The following MTCH2 variants were observed in gnomAD, a reference collection of about 807,000 sequenced individuals.
MTCH2 encodes the protein mitochondrial carrier 2.
In MTCH2, 25 loss-of-function variants were observed where a neutral mutation model predicts 50.6. The observed-to-expected ratio is 0.49, with a 90% CI of 0.36 to 0.69. The LOEUF (loss-of-function observed/expected upper bound fraction) is 0.69, where lower values mean the gene tolerates loss of function less well. Ranked by LOEUF, MTCH2 falls within the 30% of genes least tolerant of loss-of-function variation. MTCH2 has a pLI of 0.00. For missense variants in MTCH2, 273 were observed against 384.4 expected (o/e 0.71, Z 2.42); for synonymous variants, 106 against 132.0 (o/e 0.80, Z 1.35).
At chr11:47,622,243 C>A (rs1285837142) in intron 12 of MTCH2, among the ~76,000 whole-genome samples, 1 of 152,072 alleles carries the variant, frequency 6.6e-6, no homozygotes, top group African/African-American at 2.4e-5. Context: ...ATAGTAATAA[C>A]AAACCCTAAA....
At chr11:47,616,671 T>TC (rs1440237468), downstream of MTCH2, among the ~76,000 whole-genome samples, 1 of 151,020 alleles carries the variant, frequency 6.6e-6, no homozygotes, top group Non-Finnish European at 1.5e-5. Context: ...TGCATGTGTT[T>TC]CTTTTTTTTT....
chr11:47,630,442 G>A (rs2097301991), intron 8 of MTCH2, 113 bp downstream of exon 8: 3 of 945,692 alleles, frequency 3.2e-6, no homozygotes, highest in East Asian at 2.4e-5. Flanking sequence ...GTAACGTGAG[G>A]TAAGCCCAGG....
chr11:47,631,605 G>C (rs772310094), intron 6 of MTCH2, 49 bp downstream of exon 6: 1 of 1,584,430 alleles, frequency 6.3e-7, no homozygotes, highest in Non-Finnish European at 8.7e-7. Context: ...TAAGTGGTCA[G>C]GAGAGATCAG....
chr11:47,613,020 G>A (rs1254962688), downstream of MTCH2, among the ~76,000 whole-genome samples: 2 of 151,908 alleles, frequency 1.3e-5, no homozygotes, highest in African/African-American at 2.4e-5. Context: ...TCTGGCCCCA[G>A]CCTCCCAAGT....
chr11:47,617,251 G>C (rs1214235854), downstream of MTCH2: 2 of 152,156 alleles, frequency 1.3e-5, no homozygotes, highest in African/African-American at 2.4e-5. Flanking sequence ...ATCAGAGTCA[G>C]ACATGCTTCT....
At chr11:47,629,943 T>A (rs2097301515) in intron 8 of MTCH2, among the ~76,000 whole-genome samples, 1 of 152,090 alleles carries the variant, frequency 6.6e-6, no homozygotes, top group Non-Finnish European at 1.5e-5. Context: ...CATTTTATTA[T>A]CTATATAGAA....
Position 47,618,693 on chromosome 11 carries a change from G to A in MTCH2, c.*140C>T. On this transcript the variant is annotated 3_prime_UTR_variant, in exon 13 of 13. Transcript: ENST00000302503. ...TTGTGCTGGAAAAAAGAACAAAAAA[G>A]GCAGACACCAAACACCTGAATTTTC... 9 of 543,784 alleles carry A rather than the reference G, an allele frequency of 1.7e-5. No individual in the cohort carries two copies. Among genetic ancestry groups the A allele is most frequent in the Non-Finnish European group, 2.6e-5 (9 of 352,414 alleles). The allele number at this position is 543,784 out of a possible 1,614,324, so 33.7% of individuals were successfully genotyped here.
chr11:47,618,545 A>G lies in MTCH2; in HGVS notation c.*288T>C. On this transcript the variant is annotated 3_prime_UTR_variant, in exon 13 of 13. Coordinates refer to ENST00000302503, the MANE Select transcript of MTCH2 (RefSeq NM_014342.4). ...AATTGAGACTCAAAAATCACATGAC[A>G]AAGTGCCTGTAGCTTCAGGAAAATA... is the stretch of plus-strand genomic sequence containing the variant. 2.8e-6 allele frequency: 1 copy of G among 353,736 alleles called. No homozygotes were observed. The highest frequency in any genetic ancestry group is 5.2e-6 in the Non-Finnish European group (1 of 193,396). The allele number at this position is 353,736 out of a possible 1,614,324, so 21.9% of individuals were successfully genotyped here. A position where few individuals can be genotyped will look rare whatever the true frequency, so the allele number is the denominator to read the frequency against.
chr11:47,634,633 G>C (rs2097306773), intron 5 of MTCH2, 39 bp downstream of exon 5: 1 of 1,506,922 alleles, frequency 6.6e-7, no homozygotes, highest in Non-Finnish European at 9.2e-7. Context: ...ACCACAGTTT[G>C]ATCTGGGCAA....
chr11:47,631,795 G>C, intron 5 of MTCH2, 84 bp from the exon 6 acceptor site: 3 of 1,447,202 alleles, frequency 2.1e-6, no homozygotes, highest in Non-Finnish European at 2.9e-6. Flanking sequence ...GGATATCGTG[G>C]TATAGGATAA....
At chr11:47,613,313 A>G (rs1343579012), downstream of MTCH2, among the ~76,000 whole-genome samples, 1 of 152,168 alleles carries the variant, frequency 6.6e-6, no homozygotes, top group Non-Finnish European at 1.5e-5. Context: ...GAAAGCCTAA[A>G]CAGAGCTCTG....
At chr11:47,609,237 C>T in the MTCH2 span, among the ~76,000 whole-genome samples, 1 of 150,976 alleles carries the variant, frequency 6.6e-6, no homozygotes, top group Admixed American at 6.6e-5. Context: ...GGCGGATCAC[C>T]TGAGGTCAGG....
intron 1 of MTCH2, 84 bp downstream of exon 1, chr11:47,642,295 A>G: frequency 8.1e-7 from 1 of 1,230,820 alleles, no homozygotes; most frequent in Non-Finnish European, 1.1e-6. Flanking sequence ...AAAGGCCCGC[A>G]AGGCTGAGCC....
In MTCH2 at chr11:47,617,363, G is replaced by A. The variant is rs1358558382; in HGVS notation, c.*1470C>T. ...CTTAAAGATTTTTTGGGAGAAAAAG[G>A]TAGGCAGCAAACATTTTTATATTAA... On this transcript the variant is annotated 3_prime_UTR_variant, in exon 13 of 13. Transcript: ENST00000302503. 1 of 152,166 alleles carries A rather than the reference G, an allele frequency of 6.6e-6. No homozygotes were observed. Among genetic ancestry groups the A allele is most frequent in the Middle Eastern group, 3.2e-3 (1 of 316 alleles). 9.4% of individuals were successfully genotyped at this position (152,166 alleles called of 1,614,324 possible). A position where few individuals can be genotyped will look rare whatever the true frequency, so the allele number is the denominator to read the frequency against.
Position 47,633,725 on chromosome 11 carries a change from C to T in MTCH2, c.369+947G>A, listed in dbSNP as rs530950676. The stretch of plus-strand genomic sequence containing the variant: ...CTAATTTTTGTATTTTTAGTAGAGA[C>T]GGGGTTTCTCCATGTTGGTCAGGCT... On this transcript the variant is annotated intron_variant, in intron 5 of 12. Transcript: ENST00000302503. Among the ~76,000 whole-genome samples, 324 of 150,040 alleles carry T rather than the reference C, an allele frequency of 2.2e-3. 1 individual carries two copies. Among genetic ancestry groups the T allele is most frequent in the African/African-American group, 7.4e-3 (303 of 40,816 alleles).
chr11:47,628,065 C>T (rs536987899), intron 9 of MTCH2, among the ~76,000 whole-genome samples: 1 of 152,174 alleles, frequency 6.6e-6, no homozygotes, highest in Non-Finnish European at 1.5e-5. Context: ...CTACCAGATG[C>T]GTTGAAGAAA....
intron 4 of MTCH2, among the ~76,000 whole-genome samples, 153 bp downstream of exon 4, chr11:47,635,392 C>T (rs142700803): frequency 6.6e-6 from 1 of 152,150 alleles, no homozygotes; most frequent in Non-Finnish European, 1.5e-5. Flanking sequence ...TGGTTTCAAA[C>T]AGAACTGTCC....
chr11:47,609,312 CG>C, the MTCH2 span, among the ~76,000 whole-genome samples: 1 of 150,692 alleles, frequency 6.6e-6, no homozygotes, highest in Non-Finnish European at 1.5e-5. Context: ...AAAAATTAGC[CG>C]GATGTGGTGG....
the MTCH2 span, among the ~76,000 whole-genome samples, chr11:47,606,496 A>G: frequency 6.6e-6 from 1 of 152,196 alleles, no homozygotes; most frequent in Non-Finnish European, 1.5e-5. Flanking sequence ...AGCTCTCTAC[A>G]GAGCCACACT....
Sources: allele counts gnomAD v4.1 joint callset (sites outside exome capture counted in the v4.1 genomes callset), GRCh38; gene constraint gnomAD v4.1.1; transcripts MANE v1.5; gene names NCBI Gene and HGNC (gene_info 2026-07-23, HGNC 2026-07-21).